Variants in COL4A5 observed in about 807,000 individuals in gnomAD.
COL4A5 encodes collagen alpha-5(IV) chain.
A neutral mutation model predicts 130.2 loss-of-function variants in COL4A5; 26 were observed. That is an observed-to-expected ratio of 0.20 (90% confidence interval 0.15 to 0.28). The LOEUF is 0.28. Among genes scored for constraint, COL4A5 ranks in the 10% least tolerant of loss-of-function variants. The pLI, the probability that COL4A5 is intolerant of heterozygous loss-of-function variation, is 1.00. For missense variants in COL4A5, 1,131 were observed against 1,344.3 expected (o/e 0.84, Z 2.48); for synonymous variants, 496 against 439.6 (o/e 1.13, Z -1.60).
chrX:108,667,244 A>T, intron 40 of COL4A5, 61 bp downstream of exon 40: 5 of 1,050,575 alleles, frequency 4.8e-6, no homozygotes, highest in South Asian at 3.8e-5. Flanking sequence ...TTCCAAATAC[A>T]TCTATTTTTC....
chrX:108,466,646 C>G (rs941260466), intron 1 of COL4A5, among the ~76,000 whole-genome samples: 1 of 110,546 alleles, frequency 9.0e-6, no homozygotes, highest in Non-Finnish European at 1.9e-5. Context: ...GTTGCCCAGG[C>G]TGGAGTGCAG....
At chrX:108,692,341 C>T (rs1227768262) in intron 49 of COL4A5, among the ~76,000 whole-genome samples, 1 of 111,134 alleles carries the variant, frequency 9.0e-6, no homozygotes, top group Non-Finnish European at 1.9e-5. Context: ...TGCAGATTCA[C>T]ACAAGATACA....
At chrX:108,526,747 C>CTTCTT (rs1486322409) in intron 1 of COL4A5, among the ~76,000 whole-genome samples, 1 of 88,829 alleles carries the variant, frequency 1.1e-5, no homozygotes, top group Non-Finnish European at 2.2e-5. Context: ...CCTCCTTCTT[C>CTTCTT]TTCTTTTCTT....
chrX:108,526,716 TC>T (rs1322243240), intron 1 of COL4A5, among the ~76,000 whole-genome samples: 13 of 85,143 alleles, frequency 1.5e-4, no homozygotes, highest in Non-Finnish European at 3.0e-4. Flanking sequence ...TTTCTTTCTT[TC>T]TTTCTTTCTT....
rs765755542 is a variant in COL4A5 at position 108,520,570 on chromosome X, C to T, written c.82-19176C>T. On this transcript the variant is annotated intron_variant, in intron 1 of 52. Transcript: ENST00000328300. ...TTATTTTAATATCTTCCTTGGGAAC[C>T]AAACCTTTTATCATTCTGAAGTGGC... 1.8e-4 allele frequency among the ~76,000 whole-genome samples: 20 copies of T among 110,185 alleles called. No individual in the cohort carries two copies. The South Asian group carries it at 2.6e-3, about 14-fold the overall frequency.
chrX:108,554,899 C>A (rs1209708217), intron 2 of COL4A5, among the ~76,000 whole-genome samples: 1 of 111,739 alleles, frequency 8.9e-6, no homozygotes, highest in Non-Finnish European at 1.9e-5. Context: ...AAACCCCAAA[C>A]TTTTAAAATA....
chrX:108,652,615 A>T (rs1484204744), intron 36 of COL4A5, among the ~76,000 whole-genome samples: 1 of 112,440 alleles, frequency 8.9e-6, no homozygotes, highest in Non-Finnish European at 1.9e-5. Context: ...CTGTAAGTTT[A>T]TTCTGAATTT....
At chrX:108,682,109 C>T (rs968641467) in intron 47 of COL4A5, among the ~76,000 whole-genome samples, 4 of 110,934 alleles carry the variant, frequency 3.6e-5, no homozygotes, top group African/African-American at 1.3e-4. Flanking sequence ...TCCCTGTGTC[C>T]ATGTGTTCTC....
chrX:108,447,843 A>G (rs1477753968), intron 1 of COL4A5, among the ~76,000 whole-genome samples: 1 of 112,025 alleles, frequency 8.9e-6, no homozygotes, highest in African/African-American at 3.2e-5. Flanking sequence ...TATTCTTTCT[A>G]ATTAACATTA....
At chrX:108,458,515 C>T (rs1341242326) in intron 1 of COL4A5, among the ~76,000 whole-genome samples, 1 of 111,581 alleles carries the variant, frequency 9.0e-6, no homozygotes, top group Non-Finnish European at 1.9e-5. Context: ...CCCCCGCCTC[C>T]TTCTTTGAAT....
chrX:108,485,481 GCTA>G (rs1168507354), intron 1 of COL4A5, among the ~76,000 whole-genome samples: 1 of 111,308 alleles, frequency 9.0e-6, no homozygotes, highest in East Asian at 2.9e-4. Flanking sequence ...GCTGGGTATT[GCTA>G]CTGGTTATTT....
rs1044805864 is a variant in COL4A5, at chrX:108,591,808, G to A, written c.1423+164G>A. ...TATACTTACATGACCTTGGTTTCAT[G>A]CATCCCATTTTTTGGATCGCTCTCT... On this transcript the variant is annotated intron_variant, in intron 21 of 52. Coordinates refer to ENST00000328300, the MANE Select transcript of COL4A5 (RefSeq NM_033380.3). 2.7e-5 allele frequency among the ~76,000 whole-genome samples: 3 copies of A among 110,921 alleles called. No individual in the cohort carries two copies. The South Asian group carries it at 1.2e-3, about 44-fold the overall frequency.
At chrX:108,537,857 C>T (rs942069165) in intron 1 of COL4A5, among the ~76,000 whole-genome samples, 3 of 111,930 alleles carry the variant, frequency 2.7e-5, no homozygotes, top group South Asian at 3.7e-4. Flanking sequence ...TCAGGGACTA[C>T]GACTGTTGAC....
chrX:108,461,113 G>A (rs2064645969), intron 1 of COL4A5, among the ~76,000 whole-genome samples: 1 of 111,350 alleles, frequency 9.0e-6, no homozygotes, highest in African/African-American at 3.3e-5. Context: ...AACTGAAAAA[G>A]GTCACCTTTC....
intron 1 of COL4A5, among the ~76,000 whole-genome samples, chrX:108,481,043 A>T (rs765334284): frequency 9.0e-6 from 1 of 111,608 alleles, no homozygotes; most frequent in Non-Finnish European, 1.9e-5. Context: ...GTCTATGCCA[A>T]TTATGCATTC....
intron 36 of COL4A5, among the ~76,000 whole-genome samples, chrX:108,635,564 A>G (rs2067337040): frequency 9.0e-6 from 1 of 111,673 alleles, no homozygotes; most frequent in African/African-American, 3.2e-5. Flanking sequence ...GAAATTGACA[A>G]GTGTATCCTA....
At chrX:108,644,208 C>T (rs2067526410) in intron 36 of COL4A5, among the ~76,000 whole-genome samples, 3 of 111,845 alleles carry the variant, frequency 2.7e-5, no homozygotes, top group Admixed American at 1.9e-4. Context: ...TATATATGCA[C>T]CTAACACTGG....
intron 18 of COL4A5, 48 bp from the exon 19 acceptor site, chrX:108,586,567 G>T: frequency 8.8e-7 from 1 of 1,133,725 alleles, no homozygotes; most frequent in Non-Finnish European, 1.2e-6. Flanking sequence ...GGAGAACAAG[G>T]CTTTTCTTCT....
chrX:108,480,773 C>T (rs991387856), intron 1 of COL4A5, among the ~76,000 whole-genome samples: 4 of 112,853 alleles, frequency 3.5e-5, no homozygotes, highest in South Asian at 7.3e-4. Context: ...TGTCATTCTC[C>T]AAGATCCGTC....
Sources: gnomAD v4.1 joint callset for allele counts (sites outside exome capture counted in the v4.1 genomes callset) on GRCh38, gnomAD v4.1.1 for gene constraint, MANE v1.5 for transcripts, NCBI Gene and HGNC (gene_info 2026-07-23, HGNC 2026-07-21) for gene names.